Variants in NUCB2 observed in about 807,000 individuals in gnomAD.
NUCB2 encodes nucleobindin-2.
In NUCB2, 48 loss-of-function variants were observed where a neutral mutation model predicts 57.9. The observed-to-expected ratio is 0.83, with a 90% CI of 0.66 to 1.05. The LOEUF (loss-of-function observed/expected upper bound fraction) is 1.05, where lower values mean the gene tolerates loss of function less well. Ranked by LOEUF, NUCB2 falls within the 50% of genes least tolerant of loss-of-function variation. The probability of loss-of-function intolerance (pLI) is 0.00; values close to 1 mark genes in which losing one functional copy is unlikely to be tolerated. For synonymous variants in NUCB2, 139 were observed against 152.1 expected (o/e 0.91, Z 0.64); for missense variants, 442 against 476.2 (o/e 0.93, Z 0.67).
At chr11:17,300,627 A>G (rs1022796016) in intron 4 of NUCB2, among the ~76,000 whole-genome samples, 1 of 152,210 alleles carries the variant, frequency 6.6e-6, no homozygotes, top group African/African-American at 2.4e-5. Flanking sequence ...TGGCCAAACA[A>G]TATGCCATTG....
chr11:17,281,053 C>T (rs891370757), intron 1 of NUCB2, among the ~76,000 whole-genome samples: 3 of 152,078 alleles, frequency 2.0e-5, no homozygotes, highest in Admixed American at 6.6e-5. Context: ...AAAACAAAAA[C>T]GAAAACAAAA....
intron 11 of NUCB2, among the ~76,000 whole-genome samples, chr11:17,322,232 G>C (rs901876664): frequency 9.2e-5 from 14 of 152,154 alleles, no homozygotes; most frequent in African/African-American, 2.9e-4. Context: ...TGAGGTCTTA[G>C]AGTTAAGTCT....
chr11:17,288,961 ATATT>A lies in NUCB2; in HGVS notation c.-1+6020_-1+6023del, dbSNP rs1417804639. On this transcript the variant is annotated intron_variant, in intron 2 of 13. Coordinates refer to ENST00000529010, the MANE Select transcript of NUCB2 (RefSeq NM_005013.4). ...CACACACACACACACATATATATAT[ATATT>A]TTTTTTTTTTGAGATGGAGTTTTGC... Among the ~76,000 whole-genome samples, 15 of 56,422 alleles carry A rather than the reference ATATT, an allele frequency of 2.7e-4. 1 individual carries two copies. Among genetic ancestry groups the A allele is most frequent in the Admixed American group, 7.3e-4 (3 of 4,120 alleles). 37.0% of individuals were successfully genotyped at this position (56,422 alleles called of 152,430 possible).
chr11:17,346,470 T>TC (rs199518026), intron 2 of NUCB2, among the ~76,000 whole-genome samples: 44,428 of 151,926 alleles, frequency 0.29, 7,939 homozygotes, highest in South Asian at 0.39. Flanking sequence ...CTAATAAGCA[T>TC]TTAGATGTCA....
chr11:17,338,346 T>G (rs1951974847), intron 2 of NUCB2, among the ~76,000 whole-genome samples: 2 of 152,194 alleles, frequency 1.3e-5, no homozygotes, highest in African/African-American at 4.8e-5. Context: ...TGATCCTGAA[T>G]GCCATGTAGC....
At position 17,288,957 on chromosome 11, in the gene NUCB2, ATATATAT is replaced by A. The variant is rs1374377046; in HGVS notation, c.-1+6016_-1+6022del. Among the ~76,000 whole-genome samples the A allele has an allele frequency of 1.8e-3, 142 of 80,348 alleles. 23 individuals are homozygous for A. The highest frequency in any genetic ancestry group is 0.011 in the African/African-American group (138 of 12,866). 52.7% of individuals were successfully genotyped at this position (80,348 alleles called of 152,430 possible). On this transcript the variant is annotated intron_variant, in intron 2 of 13. Transcript: ENST00000529010. ...CACACACACACACACACACATATAT[ATATATAT>A]TTTTTTTTTTTGAGATGGAGTTTTG...
intron 10 of NUCB2, among the ~76,000 whole-genome samples, chr11:17,313,236 C>CT (rs35702516): frequency 6.1e-5 from 9 of 148,710 alleles, no homozygotes; most frequent in Non-Finnish European, 1.3e-4. Context: ...AGGTATAAAA[C>CT]TTTTTTTTTT....
chr11:17,300,180 T>G (rs574541657), intron 4 of NUCB2, among the ~76,000 whole-genome samples: 49 of 152,202 alleles, frequency 3.2e-4, no homozygotes, highest in African/African-American at 1.1e-3. Flanking sequence ...CTGGCTAATT[T>G]TTGTATTTTT....
intron 2 of NUCB2, among the ~76,000 whole-genome samples, chr11:17,288,948 CACATATATAT>C (rs1565377305): frequency 1.2e-4 from 7 of 57,196 alleles, no homozygotes; most frequent in South Asian, 7.0e-4. Context: ...CACACACACA[CACATATATAT>C]ATATATTTTT....
rs74626128 is a variant in NUCB2 at position 17,331,340 on chromosome 11, T to C, written c.1256-72T>C. ...AGCATATTTTTTAAAACAAGTATAT[T>C]TGTATATGAAGGAACATTTAGAATA... On this transcript the variant is annotated intron_variant, in intron 13 of 13. Transcript: ENST00000529010. 102 of 848,726 alleles carry C rather than the reference T, an allele frequency of 1.2e-4. No individual in the cohort carries two copies. In the East Asian group the frequency reaches 2.6e-3, roughly 21 times the overall value. The allele number at this position is 848,726 out of a possible 1,614,324, so 52.6% of individuals were successfully genotyped here. A position where few individuals can be genotyped will look rare whatever the true frequency, so the allele number is the denominator to read the frequency against.
intron 11 of NUCB2, among the ~76,000 whole-genome samples, chr11:17,325,258 ATCTG>A (rs774744434): frequency 2.6e-5 from 4 of 152,060 alleles, no homozygotes; most frequent in Non-Finnish European, 5.9e-5. Flanking sequence ...TGTCTGGGAG[ATCTG>A]TCTAATGCTG....
chr11:17,298,100 A>G (rs1175644046), intron 4 of NUCB2, among the ~76,000 whole-genome samples: 2 of 151,534 alleles, frequency 1.3e-5, no homozygotes. Flanking sequence ...AAAAAAAAAA[A>G]AAGGGGGGCC....
chr11:17,318,506 G>A (rs1949591538), intron 11 of NUCB2, among the ~76,000 whole-genome samples: 1 of 151,940 alleles, frequency 6.6e-6, no homozygotes. Context: ...TTTATATAAA[G>A]CTTTGTACGT....
At chr11:17,322,966 GT>G (rs537782552) in intron 11 of NUCB2, among the ~76,000 whole-genome samples, 12 of 148,300 alleles carry the variant, frequency 8.1e-5, no homozygotes, top group African/African-American at 1.5e-4. Flanking sequence ...GGTTCTAATA[GT>G]TTTTTTTTTG....
intron 6 of NUCB2, among the ~76,000 whole-genome samples, 190 bp from the exon 7 acceptor site, chr11:17,310,635 A>T (rs1046782507): frequency 1.4e-5 from 2 of 145,286 alleles, no homozygotes; most frequent in African/African-American, 4.9e-5. Context: ...GACGGGTGAA[A>T]CTCCGTCTCA....
chr11:17,331,544 A>G lies in NUCB2; in HGVS notation c.*125A>G. 1 of 580,342 alleles carries G rather than the reference A, an allele frequency of 1.7e-6. No individual in the cohort carries two copies. 35.9% of individuals were successfully genotyped at this position (580,342 alleles called of 1,614,324 possible). A position where few individuals can be genotyped will look rare whatever the true frequency, so the allele number is the denominator to read the frequency against. ...AAGCATATTTGAAATAAAGGGAGATACTTTTTAAATGAAAACACTTTTTTT... is the reference window on the plus strand; with the variant it reads ...AAGCATATTTGAAATAAAGGGAGATGCTTTTTAAATGAAAACACTTTTTTT... On this transcript the variant is annotated 3_prime_UTR_variant, in exon 14 of 14. Coordinates refer to ENST00000529010, the MANE Select transcript of NUCB2 (RefSeq NM_005013.4).
chr11:17,293,554 A>C (rs1426834616), intron 2 of NUCB2, among the ~76,000 whole-genome samples: 2 of 152,238 alleles, frequency 1.3e-5, no homozygotes, highest in African/African-American at 4.8e-5. Flanking sequence ...TTATATAACC[A>C]AAAGAATTGA....
At chr11:17,314,082 C>A (rs891098626) in intron 10 of NUCB2, among the ~76,000 whole-genome samples, 5 of 152,056 alleles carry the variant, frequency 3.3e-5, no homozygotes, top group Admixed American at 6.6e-5. Flanking sequence ...ACAAATGAAT[C>A]ATAATTCATC....
At chr11:17,297,769 G>T (rs915096571) in intron 4 of NUCB2, among the ~76,000 whole-genome samples, 29 of 152,154 alleles carry the variant, frequency 1.9e-4, no homozygotes, top group African/African-American at 6.7e-4. Flanking sequence ...CCAAAATGAA[G>T]TTAAACAGTT....
Sources: allele counts gnomAD v4.1 joint callset (sites outside exome capture counted in the v4.1 genomes callset), GRCh38; gene constraint gnomAD v4.1.1; transcripts MANE v1.5; gene names NCBI Gene and HGNC (gene_info 2026-07-23, HGNC 2026-07-21).